The following FAM110B variants were observed in gnomAD, a reference collection of about 807,000 sequenced individuals.
FAM110B encodes family with sequence similarity 110 member B, also known as protein FAM110B.
A neutral mutation model predicts 20.4 loss-of-function variants in FAM110B; 6 were observed. The ratio of observed to expected loss-of-function variants is 0.29; its 90% confidence interval spans 0.16 to 0.58. FAM110B has a LOEUF of 0.58. FAM110B is among the 20% of genes least tolerant of loss of function. The pLI is 0.90. For missense variants in FAM110B, 434 were observed against 498.2 expected, an observed-to-expected ratio of 0.87 and a Z score of 1.23; for synonymous variants, 226 against 214.1, an observed-to-expected ratio of 1.06 and a Z score of -0.49.
In FAM110B at chr8:58,148,352, T is replaced by G. The variant is rs1803920350; in HGVS notation, c.*1009T>G. The G allele has an allele frequency of 6.0e-6, 1 of 167,010 alleles. No homozygotes were observed. Among genetic ancestry groups the G allele is most frequent in the Non-Finnish European group, 1.5e-5 (1 of 68,092 alleles). The allele number at this position is 167,010 out of a possible 1,614,324, so 10.3% of individuals were successfully genotyped here. A position where few individuals can be genotyped will look rare whatever the true frequency, so the allele number is the denominator to read the frequency against. On this transcript the variant is annotated 3_prime_UTR_variant, in exon 4 of 4. Transcript: ENST00000519262. ...GCCTTCCATTCAAAAGTGAACACACTTGGTAGCTGAACCATATCTGAGCAG... is the reference window on the plus strand; with the variant it reads ...GCCTTCCATTCAAAAGTGAACACACGTGGTAGCTGAACCATATCTGAGCAG...
chr8:58,087,117 A>G (rs1200605796), intron 3 of FAM110B, among the ~76,000 whole-genome samples: 1 of 152,202 alleles, frequency 6.6e-6, no homozygotes, highest in Non-Finnish European at 1.5e-5. Context: ...ATATTTTCCT[A>G]CTATTTAGAA....
At chr8:58,088,312 T>G (rs554051742) in intron 3 of FAM110B, among the ~76,000 whole-genome samples, 1 of 152,336 alleles carries the variant, frequency 6.6e-6, no homozygotes, top group Non-Finnish European at 1.5e-5. Flanking sequence ...AGTCTCTCCA[T>G]AAATGTCTTC....
At chr8:58,015,176 T>TG (rs1804613444) in intron 1 of FAM110B, among the ~76,000 whole-genome samples, 1 of 152,014 alleles carries the variant, frequency 6.6e-6, no homozygotes, top group Non-Finnish European at 1.5e-5. Flanking sequence ...ACCAACCTGG[T>TG]GAAACCCTGT....
chr8:58,023,396 G>GT (rs981776704), intron 1 of FAM110B, among the ~76,000 whole-genome samples: 16 of 152,206 alleles, frequency 1.1e-4, no homozygotes, highest in Non-Finnish European at 2.2e-4. Flanking sequence ...CAAAATACAT[G>GT]TTTTTTTGCA....
intron 2 of FAM110B, among the ~76,000 whole-genome samples, chr8:58,060,632 A>G (rs781523229): frequency 6.6e-6 from 1 of 152,186 alleles, no homozygotes; most frequent in Non-Finnish European, 1.5e-5. Context: ...ATATTTTGGG[A>G]AACGGGAAAT....
intron 3 of FAM110B, among the ~76,000 whole-genome samples, chr8:58,080,320 T>G (rs1368541581): frequency 6.6e-6 from 1 of 152,150 alleles, no homozygotes; most frequent in Non-Finnish European, 1.5e-5. Flanking sequence ...TGGTGGAATA[T>G]TAGAATGATC....
intron 1 of FAM110B, among the ~76,000 whole-genome samples, chr8:58,012,676 G>A (rs1234890311): frequency 6.6e-6 from 1 of 152,188 alleles, no homozygotes; most frequent in African/African-American, 2.4e-5. Flanking sequence ...TTCAGTCCCT[G>A]GGCCTGTGGA....
At chr8:58,043,788 G>C (rs952024081) in intron 2 of FAM110B, among the ~76,000 whole-genome samples, 2 of 152,118 alleles carry the variant, frequency 1.3e-5, no homozygotes, top group Non-Finnish European at 2.9e-5. Flanking sequence ...CCTCCTAACA[G>C]CTCTGAGGTA....
intron 1 of FAM110B, among the ~76,000 whole-genome samples, chr8:57,999,416 AT>A (rs1011291426): frequency 2.0e-4 from 31 of 151,812 alleles, no homozygotes; most frequent in South Asian, 4.2e-4. Context: ...AATGCAAAAC[AT>A]TTTTTTCCTC....
intron 1 of FAM110B, among the ~76,000 whole-genome samples, chr8:58,012,911 G>A (rs1804567651): frequency 6.6e-6 from 1 of 152,092 alleles, no homozygotes; most frequent in South Asian, 2.1e-4. Flanking sequence ...GGAATCTGAG[G>A]TCTTATCCCA....
intron 3 of FAM110B, among the ~76,000 whole-genome samples, chr8:58,124,906 A>G (rs945962787): frequency 1.3e-5 from 2 of 152,194 alleles, no homozygotes; most frequent in African/African-American, 4.8e-5. Flanking sequence ...GTAGACCGCA[A>G]CGTCAACTCT....
chr8:58,100,317 G>C lies in FAM110B; in HGVS notation c.-325+24694G>C, dbSNP rs775022257. On this transcript the variant is annotated intron_variant, in intron 3 of 3. Transcript: ENST00000519262. ...GAGTTATTCCCATCAGATACATTCT[G>C]AAGCTGGGTGGGCTCCTTCAAAGAG... Among the ~76,000 whole-genome samples, 135 of 151,346 alleles carry C rather than the reference G, an allele frequency of 8.9e-4. 2 individuals are homozygous for C. The highest frequency in any genetic ancestry group is 2.8e-4 in the Non-Finnish European group (19 of 67,956).
At chr8:58,012,744 C>T (rs987812719) in intron 1 of FAM110B, among the ~76,000 whole-genome samples, 6 of 152,144 alleles carry the variant, frequency 3.9e-5, no homozygotes, top group African/African-American at 1.4e-4. Context: ...ATGCTGCAGT[C>T]TGTGTTACTG....
At chr8:58,035,758 A>C (rs1223745256) in intron 2 of FAM110B, among the ~76,000 whole-genome samples, 2 of 152,244 alleles carry the variant, frequency 1.3e-5, no homozygotes, top group Admixed American at 1.3e-4. Flanking sequence ...AAGACATTGT[A>C]GTGGGAGTAA....
At chr8:58,059,774 A>T (rs1313952337) in intron 2 of FAM110B, among the ~76,000 whole-genome samples, 1 of 152,058 alleles carries the variant, frequency 6.6e-6, no homozygotes, top group East Asian at 1.9e-4. Flanking sequence ...TAATTCTTTC[A>T]AAACAGTTGA....
At chr8:58,080,994 C>A (rs939036868) in intron 3 of FAM110B, among the ~76,000 whole-genome samples, 1 of 152,182 alleles carries the variant, frequency 6.6e-6, no homozygotes, top group Non-Finnish European at 1.5e-5. Flanking sequence ...TCAGTGGAGA[C>A]CTTTCCTCTG....
chr8:58,124,333 A>G (rs1030378634), intron 3 of FAM110B, among the ~76,000 whole-genome samples: 3 of 152,258 alleles, frequency 2.0e-5, no homozygotes, highest in African/African-American at 4.8e-5. Flanking sequence ...GTAACAAAGC[A>G]CAGCAGACCA....
chr8:58,137,605 C>T (rs1179680358), intron 3 of FAM110B, among the ~76,000 whole-genome samples: 3 of 152,096 alleles, frequency 2.0e-5, no homozygotes, highest in African/African-American at 7.2e-5. Flanking sequence ...CTGGGCTGAG[C>T]TCCTGACCAA....
At chr8:58,003,858 C>T (rs13269059) in intron 1 of FAM110B, among the ~76,000 whole-genome samples, 44,911 of 151,982 alleles carry the variant, frequency 0.3, 6,852 homozygotes, top group Middle Eastern at 0.45. Flanking sequence ...TCAGCATTGG[C>T]TTCAACTTCA....
Sources: allele counts gnomAD v4.1 joint callset (sites outside exome capture counted in the v4.1 genomes callset), GRCh38; gene constraint gnomAD v4.1.1; transcripts MANE v1.5; gene names NCBI Gene and HGNC (gene_info 2026-07-23, HGNC 2026-07-21).